The following RELN variants were observed in gnomAD, a reference collection of about 807,000 sequenced individuals.
The protein encoded by RELN is reelin.
RELN carries 108 observed loss-of-function variants against 427.6 expected under a neutral mutation model. The ratio of observed to expected loss-of-function variants is 0.25; its 90% CI spans 0.22 to 0.30. The LOEUF (loss-of-function observed/expected upper bound fraction) is 0.30, where lower values mean the gene tolerates loss of function less well. RELN is among the 10% of genes least tolerant of loss of function. The pLI, the probability that RELN is intolerant of heterozygous loss-of-function variation, is 1.00. For synonymous variants in RELN, 1,524 were observed against 1,513.4 expected (o/e 1.01, Z -0.16); for missense variants, 3,715 against 4,302.8 (o/e 0.86, Z 3.82).
chr7:103,846,397 C>T (rs763961409), intron 2 of RELN, among the ~76,000 whole-genome samples: 8 of 152,156 alleles, frequency 5.3e-5, no homozygotes, highest in Non-Finnish European at 1.0e-4. Flanking sequence ...AAACTGGACC[C>T]CTTCCTTACA....
At chr7:103,522,234 T>A in intron 47 of RELN, 35 bp from the exon 48 acceptor site, 3 of 1,605,354 alleles carry the variant, frequency 1.9e-6, no homozygotes, top group Non-Finnish European at 2.6e-6. Flanking sequence ...AAAGTCAACA[T>A]CAGACAAAGC....
intron 4 of RELN, among the ~76,000 whole-genome samples, chr7:103,755,950 T>C (rs1791140396): frequency 6.6e-6 from 1 of 152,148 alleles, no homozygotes; most frequent in South Asian, 2.1e-4. Flanking sequence ...ATGGAACTTT[T>C]CAAATTATTT....
At chr7:103,960,006 C>T (rs867280420) in intron 1 of RELN, among the ~76,000 whole-genome samples, 11 of 152,158 alleles carry the variant, frequency 7.2e-5, no homozygotes, top group Non-Finnish European at 7.3e-5. Flanking sequence ...AGCCTCCTAA[C>T]GGGTCTTTCT....
intron 8 of RELN, among the ~76,000 whole-genome samples, chr7:103,710,525 C>T (rs1005600334): frequency 6.6e-6 from 1 of 152,120 alleles, no homozygotes; most frequent in African/African-American, 2.4e-5. Flanking sequence ...CAGAGATCAG[C>T]TAAGATTAGT....
At chr7:103,809,917 A>G (rs771297414) in intron 3 of RELN, among the ~76,000 whole-genome samples, 1 of 152,188 alleles carries the variant, frequency 6.6e-6, no homozygotes, top group Admixed American at 6.5e-5. Context: ...GACTTTTATG[A>G]CTTCCTGGGT....
At chr7:103,597,651 C>A (rs1470731753) in intron 24 of RELN, among the ~76,000 whole-genome samples, 1 of 152,084 alleles carries the variant, frequency 6.6e-6, no homozygotes, top group Non-Finnish European at 1.5e-5. Flanking sequence ...GGATCCTAGT[C>A]TCCTTTCCTT....
chr7:103,850,157 A>G (rs74502433), intron 2 of RELN, among the ~76,000 whole-genome samples: 4,535 of 152,280 alleles, frequency 0.03, 93 homozygotes, highest in East Asian at 0.063. Context: ...ACAAATGTCA[A>G]TGGAATAAAC....
intron 20 of RELN, among the ~76,000 whole-genome samples, chr7:103,618,615 T>G (rs1033735682): frequency 1.3e-5 from 2 of 152,202 alleles, no homozygotes; most frequent in African/African-American, 4.8e-5. Flanking sequence ...TTTTTGTTCT[T>G]AGCACCTGTG....
chr7:103,768,262 G>C (rs889498348), intron 4 of RELN, among the ~76,000 whole-genome samples: 1 of 151,876 alleles, frequency 6.6e-6, no homozygotes, highest in Non-Finnish European at 1.5e-5. Context: ...CCGCACCCCA[G>C]ACTAAAGATG....
intron 3 of RELN, among the ~76,000 whole-genome samples, chr7:103,793,919 C>T (rs1222284880): frequency 6.6e-6 from 1 of 151,940 alleles, no homozygotes; most frequent in African/African-American, 2.4e-5. Flanking sequence ...GGTGCACACC[C>T]ATACGCCCGG....
intron 57 of RELN, among the ~76,000 whole-genome samples, chr7:103,495,175 C>CTT (rs68172294): frequency 0.055 from 6,842 of 125,258 alleles, 261 homozygotes; most frequent in South Asian, 0.091. Flanking sequence ...AAAGTAATTC[C>CTT]TTTTTTTTTT....
chr7:103,680,409 G>A (rs1373392697), intron 11 of RELN, among the ~76,000 whole-genome samples: 5 of 152,094 alleles, frequency 3.3e-5, no homozygotes, highest in African/African-American at 1.2e-4. Flanking sequence ...TTAGCGTGGA[G>A]AGATGAAAGC....
intron 2 of RELN, among the ~76,000 whole-genome samples, chr7:103,861,406 G>T (rs1316002574): frequency 6.6e-6 from 1 of 152,118 alleles, no homozygotes; most frequent in East Asian, 1.9e-4. Flanking sequence ...CTAAAGGTTG[G>T]CAGAGCCTAT....
chr7:103,898,103 G>A (rs1485515430), intron 2 of RELN, among the ~76,000 whole-genome samples: 1 of 151,838 alleles, frequency 6.6e-6, no homozygotes, highest in Non-Finnish European at 1.5e-5. Context: ...TGTGGATATG[G>A]GTGTGTAGTT....
intron 2 of RELN, among the ~76,000 whole-genome samples, chr7:103,875,892 C>T (rs1794466605): frequency 6.6e-6 from 1 of 152,008 alleles, no homozygotes; most frequent in African/African-American, 2.4e-5. Context: ...TGAAGAGATT[C>T]AAGAGGCTTA....
intron 4 of RELN, among the ~76,000 whole-genome samples, chr7:103,762,310 C>CAA (rs147095077): frequency 7.7e-4 from 118 of 152,310 alleles, no homozygotes; most frequent in Non-Finnish European, 1.5e-3. Flanking sequence ...CATCTATCTT[C>CAA]AAACTGGTTT....
chr7:103,843,864 G>A (rs1793613493), intron 2 of RELN, among the ~76,000 whole-genome samples: 2 of 152,206 alleles, frequency 1.3e-5, no homozygotes, highest in South Asian at 2.1e-4. Flanking sequence ...CTGATCTGCT[G>A]GCCCAAAGCT....
At chr7:103,578,689 T>A (rs1453647947) in intron 28 of RELN, among the ~76,000 whole-genome samples, 1 of 152,160 alleles carries the variant, frequency 6.6e-6, no homozygotes, top group Non-Finnish European at 1.5e-5. Flanking sequence ...GAAGAACTGA[T>A]AAAGAATTCA....
At chr7:103,778,536 A>G (rs262342) in intron 3 of RELN, among the ~76,000 whole-genome samples, 114,323 of 152,124 alleles carry the variant, frequency 0.75, 43,105 homozygotes, top group East Asian at 0.87. Flanking sequence ...GAACACGATC[A>G]GCCAAATTAT....
Sources: gnomAD v4.1 joint callset for allele counts (sites outside exome capture counted in the v4.1 genomes callset) on GRCh38, gnomAD v4.1.1 for gene constraint, MANE v1.5 for transcripts, NCBI Gene and HGNC (gene_info 2026-07-23, HGNC 2026-07-21) for gene names.